AKR1E2: variants seen among roughly 807,000 people sequenced by gnomAD.
AKR1E2 encodes the protein 1,5-anhydro-D-fructose reductase.
Under a neutral mutation model 41.9 loss-of-function variants are expected in AKR1E2, and 43 were observed. The observed-to-expected ratio is 1.03, with a 90% CI of 0.80 to 1.32. AKR1E2 has a LOEUF of 1.32. AKR1E2 is among the 40% of genes most tolerant of loss of function. The pLI is 0.00. For synonymous variants in AKR1E2, 121 were observed against 138.9 expected (o/e 0.87, Z 0.91); for missense variants, 423 against 396.5 (o/e 1.07, Z -0.57).
chr10:4,832,194 A>T (rs1341161095), intron 2 of AKR1E2, among the ~76,000 whole-genome samples: 4 of 152,218 alleles, frequency 2.6e-5, no homozygotes, highest in Non-Finnish European at 5.9e-5. Context: ...TAGGGATTAG[A>T]TGGCTCAGGC....
At chr10:4,838,723 T>C (rs1833630284) in intron 5 of AKR1E2, among the ~76,000 whole-genome samples, 1 of 152,332 alleles carries the variant, frequency 6.6e-6, no homozygotes, top group South Asian at 2.1e-4. Flanking sequence ...CTGACCCAGC[T>C]TCTCATGTAG....
chr10:4,864,430 T>TTGATGGG, the AKR1E2 span, among the ~76,000 whole-genome samples: 1 of 152,136 alleles, frequency 6.6e-6, no homozygotes, highest in African/African-American at 2.4e-5. Flanking sequence ...CTAAAAACTC[T>TTGATGGG]CAATAAATTA....
the AKR1E2 span, among the ~76,000 whole-genome samples, chr10:4,854,302 C>G: frequency 6.6e-6 from 1 of 152,082 alleles, no homozygotes; most frequent in East Asian, 1.9e-4. Flanking sequence ...CCATATTGAC[C>G]AGGCTGGTCT....
the AKR1E2 span, among the ~76,000 whole-genome samples, chr10:4,870,924 C>T: frequency 4.6e-5 from 7 of 152,066 alleles, no homozygotes; most frequent in Non-Finnish European, 1.0e-4. Flanking sequence ...ATGGCATGAA[C>T]GTTAAGTCTT....
the AKR1E2 span, chr10:4,871,827 A>G: frequency 2.0e-5 from 3 of 152,208 alleles, no homozygotes; most frequent in Non-Finnish European, 2.9e-5. Context: ...AAAACTTCCC[A>G]TCCATGAGAT....
chr10:4,835,409 AC>A (rs1237633491), intron 3 of AKR1E2, among the ~76,000 whole-genome samples: 1 of 152,168 alleles, frequency 6.6e-6, no homozygotes, highest in Non-Finnish European at 1.5e-5. Context: ...GGAGAGGACA[AC>A]CTTGCATCAG....
At chr10:4,846,250 C>T in intron 8 of AKR1E2, 1 of 186,520 alleles carries the variant, frequency 5.4e-6, no homozygotes, top group African/African-American at 2.3e-5. Flanking sequence ...TCACTCAGTG[C>T]ACCCCTCCTC....
At chr10:4,842,148 GTTAT>G (rs1437487187) in intron 7 of AKR1E2, among the ~76,000 whole-genome samples, 1 of 152,184 alleles carries the variant, frequency 6.6e-6, no homozygotes, top group South Asian at 2.1e-4. Flanking sequence ...GTACAGAAAA[GTTAT>G]TTATTCTAGT....
At chr10:4,863,276 C>A in the AKR1E2 span, among the ~76,000 whole-genome samples, 2 of 152,288 alleles carry the variant, frequency 1.3e-5, no homozygotes, top group South Asian at 2.1e-4. Flanking sequence ...GACCATAGTG[C>A]AATCAAACTA....
At position 4,835,787 on chromosome 10, in the gene AKR1E2, C is replaced by A. The variant is rs528543697; in HGVS notation, c.437C>A (p.Thr146Lys). 1 of 1,614,092 alleles carries A rather than the reference C, an allele frequency of 6.2e-7. No individual in the cohort carries two copies. The highest frequency in any genetic ancestry group is 1.1e-5 in the South Asian group (1 of 91,092). ...DESNMVIPSD[T>K]DFLDTWEAME... ...AGCAACATGGTTATTCCCAGTGACA[C>A]GGACTTCCTGGACACGTGGGAGGTG... Residue 146 changes from threonine to lysine, a missense_variant, in exon 4 of 10, where the codon ACG (threonine) becomes AAG (lysine). Transcript: ENST00000298375.
At chr10:4,855,169 T>C in the AKR1E2 span, among the ~76,000 whole-genome samples, 20 of 152,324 alleles carry the variant, frequency 1.3e-4, no homozygotes, top group African/African-American at 4.6e-4. Flanking sequence ...CCACCCTGCC[T>C]CAGGCAGTGC....
downstream of AKR1E2, among the ~76,000 whole-genome samples, chr10:4,850,407 C>T (rs1834499604): frequency 2.0e-5 from 3 of 152,120 alleles, no homozygotes; most frequent in Admixed American, 6.6e-5. Flanking sequence ...GAAACAGATT[C>T]GGGAGGTGTG....
chr10:4,825,419 T>C (rs1832397279), upstream of AKR1E2, among the ~76,000 whole-genome samples: 1 of 152,114 alleles, frequency 6.6e-6, no homozygotes, highest in Non-Finnish European at 1.5e-5. Flanking sequence ...TTCCCTCCAC[T>C]GGCCCTGGGG....
upstream of AKR1E2, among the ~76,000 whole-genome samples, chr10:4,825,539 C>T (rs1403451866): frequency 6.6e-6 from 1 of 152,170 alleles, no homozygotes; most frequent in Admixed American, 6.5e-5. Context: ...GCTCGGCCTC[C>T]CCTGCACCAC....
chr10:4,829,175 C>G (rs1419667955), intron 1 of AKR1E2, among the ~76,000 whole-genome samples: 1 of 152,098 alleles, frequency 6.6e-6, no homozygotes, highest in Non-Finnish European at 1.5e-5. Flanking sequence ...TAATTCTTTT[C>G]CCCGACTTAC....
At chr10:4,873,128 G>A in the AKR1E2 span, among the ~76,000 whole-genome samples, 1 of 152,078 alleles carries the variant, frequency 6.6e-6, no homozygotes, top group South Asian at 2.1e-4. Context: ...GAATTATGAG[G>A]GTGGGTTTTT....
At position 4,845,240 on chromosome 10, in the gene AKR1E2, G is replaced by A. The variant is rs899708150; in HGVS notation, c.838-1908G>A. Among the ~76,000 whole-genome samples the A allele has an allele frequency of 6.6e-5, 10 of 152,264 alleles. No homozygotes were observed. In the East Asian group the frequency reaches 9.7e-4, roughly 15 times the overall value. On this transcript the variant is annotated intron_variant, in intron 8 of 9. Coordinates refer to ENST00000298375, the MANE Select transcript of AKR1E2 (RefSeq NM_001040177.3). Reference sequence around the variant, plus strand: ...GGGCCCACCAAGCCCACACCCACCCGGAATTCGTGCTGGCCTGCAAGCACC... The same window carrying A: ...GGGCCCACCAAGCCCACACCCACCCAGAATTCGTGCTGGCCTGCAAGCACC...
upstream of AKR1E2, chr10:4,825,101 C>G (rs540081783): frequency 2.8e-4 from 124 of 437,822 alleles, no homozygotes; most frequent in South Asian, 1.9e-3. Context: ...CCCCTTCCCA[C>G]CTGTGAGGAG....
chr10:4,845,049 G>C (rs898896592), intron 8 of AKR1E2, among the ~76,000 whole-genome samples: 1 of 152,178 alleles, frequency 6.6e-6, no homozygotes, highest in Admixed American at 6.5e-5. Flanking sequence ...TGCAGGTCCC[G>C]AGCCCTGCCC....
Sources: gnomAD v4.1 joint callset for allele counts (sites outside exome capture counted in the v4.1 genomes callset) on GRCh38, gnomAD v4.1.1 for gene constraint, MANE v1.5 for transcripts, NCBI Gene and HGNC (gene_info 2026-07-23, HGNC 2026-07-21) for gene names.